The following CPM variants were observed in gnomAD, a reference collection of about 807,000 sequenced individuals.
CPM encodes the protein renal carboxypeptidase.
In CPM, 35 loss-of-function variants were observed where a neutral mutation model predicts 46.4. That is an observed-to-expected ratio of 0.75 (90% CI 0.58 to 1.00). The LOEUF is 1.00. CPM is among the 50% of genes least tolerant of loss of function. The probability of loss-of-function intolerance (pLI) is 0.00; values close to 1 mark genes in which losing one functional copy is unlikely to be tolerated. For missense variants in CPM, 422 were observed against 530.4 expected (o/e 0.80, Z 2.01); for synonymous variants, 195 against 195.3 (o/e 1.00, Z 0.01).
chr12:68,924,842 G>A (rs1035219681), intron 2 of CPM, among the ~76,000 whole-genome samples: 62 of 152,266 alleles, frequency 4.1e-4, no homozygotes, highest in African/African-American at 1.4e-3. Flanking sequence ...GTAAATCACC[G>A]GCTAAAATCT....
At chr12:68,962,005 C>T (rs1167152376) in intron 1 of CPM, among the ~76,000 whole-genome samples, 2 of 151,934 alleles carry the variant, frequency 1.3e-5, no homozygotes, top group Non-Finnish European at 2.9e-5. Context: ...TCGAGACCAT[C>T]CTGGCTAACG....
At chr12:68,921,021 A>G (rs930017498) in intron 2 of CPM, among the ~76,000 whole-genome samples, 1 of 151,354 alleles carries the variant, frequency 6.6e-6, no homozygotes, top group African/African-American at 2.4e-5. Flanking sequence ...CTCTTGGGGG[A>G]AAAAAGGCCT....
chr12:68,945,526 C>A lies in CPM; in HGVS notation c.-3-12686G>T, dbSNP rs565731303. 6.6e-5 allele frequency among the ~76,000 whole-genome samples: 10 copies of A among 151,990 alleles called. No individual in the cohort carries two copies. The East Asian group carries it at 1.9e-3, about 29-fold the overall frequency. ...GGGGGTATAGTTGGGGCAAGGGTTG[C>A]CCCCAAGGTAAGAGGAGTGAAACCA... On this transcript the variant is annotated intron_variant, in intron 1 of 8. Transcript: ENST00000546373.
intron 1 of CPM, among the ~76,000 whole-genome samples, chr12:68,941,317 C>T (rs1418280150): frequency 2.6e-5 from 4 of 151,984 alleles, no homozygotes; most frequent in South Asian, 2.1e-4. Context: ...ATCAAATGGT[C>T]GCTCAGAAAT....
chr12:68,896,474 A>G (rs1886881058), intron 2 of CPM, among the ~76,000 whole-genome samples: 1 of 152,210 alleles, frequency 6.6e-6, no homozygotes, highest in Non-Finnish European at 1.5e-5. Context: ...GAGTGAATGG[A>G]TGATTGGATA....
Position 68,941,170 on chromosome 12 carries a change from C to T in CPM, c.-3-8330G>A, listed in dbSNP as rs376055912. On this transcript the variant is annotated intron_variant, in intron 1 of 8. Coordinates refer to the CPM transcript ENST00000546373. ...AAGTAATTTGAAGATGTGCTGAGTACGTGTGTGTGTGTGTGTGTGTGTGTG... is the reference window on the plus strand; with the variant it reads ...AAGTAATTTGAAGATGTGCTGAGTATGTGTGTGTGTGTGTGTGTGTGTGTG... Among the ~76,000 whole-genome samples, 8 of 140,602 alleles carry T rather than the reference C, an allele frequency of 5.7e-5. No homozygotes were observed. The South Asian group carries it at 9.9e-4, about 17-fold the overall frequency. The allele number at this position is 140,602 out of a possible 152,430, so 92.2% of individuals were successfully genotyped here.
intron 3 of CPM, among the ~76,000 whole-genome samples, chr12:68,876,172 T>C (rs1417242320): frequency 2.0e-5 from 3 of 152,222 alleles, no homozygotes; most frequent in Non-Finnish European, 4.4e-5. Flanking sequence ...AACCAAAGTA[T>C]TTTTTGTGTG....
chr12:68,893,773 G>A (rs1012911739), intron 2 of CPM, among the ~76,000 whole-genome samples: 5 of 152,200 alleles, frequency 3.3e-5, no homozygotes, highest in African/African-American at 9.7e-5. Flanking sequence ...AGATTCTGGT[G>A]TGGGGTCTAA....
intron 7 of CPM, among the ~76,000 whole-genome samples, chr12:68,864,467 G>A (rs1565768374): frequency 6.6e-6 from 1 of 152,106 alleles, no homozygotes; most frequent in Non-Finnish European, 1.5e-5. Context: ...ACAAAACCTA[G>A]TGCAAATGGA....
chr12:68,919,396 T>C (rs1462380173), intron 2 of CPM, among the ~76,000 whole-genome samples: 1 of 152,228 alleles, frequency 6.6e-6, no homozygotes, highest in Non-Finnish European at 1.5e-5. Flanking sequence ...CACTAGCACA[T>C]GTAAGAAACA....
chr12:68,882,761 G>A (rs1434967510), intron 3 of CPM, among the ~76,000 whole-genome samples: 1 of 152,080 alleles, frequency 6.6e-6, no homozygotes, highest in Non-Finnish European at 1.5e-5. Context: ...ATTCTGACTG[G>A]TATGAGATGA....
chr12:68,847,382 T>A (rs945250071), downstream of CPM: 2 of 148,910 alleles, frequency 1.3e-5, no homozygotes, highest in African/African-American at 5.0e-5. Context: ...TGAGGTATTC[T>A]GTTCATACCA....
intron 2 of CPM, among the ~76,000 whole-genome samples, chr12:68,931,171 G>A (rs969731437): frequency 4.6e-5 from 7 of 152,058 alleles, no homozygotes; most frequent in African/African-American, 1.5e-4. Context: ...CACAGCCCAG[G>A]ATATTGACTT....
chr12:68,844,386 A>G (rs1884081200), intron 5 of CPM: 3 of 226,040 alleles, frequency 1.3e-5, no homozygotes, highest in Admixed American at 5.7e-5. Context: ...AACTTGAGAG[A>G]ATGATGTTGC....
intron 1 of CPM, 43 bp from the exon 2 acceptor site, chr12:68,932,883 G>C: frequency 6.4e-7 from 1 of 1,569,602 alleles, no homozygotes; most frequent in Non-Finnish European, 8.7e-7. Context: ...AACACATGAG[G>C]GCAGGCGGGG....
chr12:68,947,372 AG>A (rs768585169), intron 1 of CPM, among the ~76,000 whole-genome samples: 9 of 152,140 alleles, frequency 5.9e-5, no homozygotes, highest in Non-Finnish European at 1.3e-4. Context: ...CAAGACACAT[AG>A]ATCACCTGAA....
At chr12:68,895,178 A>G (rs1152931) in intron 2 of CPM, among the ~76,000 whole-genome samples, 53,173 of 151,874 alleles carry the variant, frequency 0.35, 9,991 homozygotes, top group African/African-American at 0.49. Flanking sequence ...TAAAGACCTC[A>G]GTGGTGGGTT....
intron 1 of CPM, among the ~76,000 whole-genome samples, chr12:68,962,001 C>T (rs929437595): frequency 6.6e-5 from 10 of 152,042 alleles, no homozygotes; most frequent in Non-Finnish European, 1.3e-4. Flanking sequence ...CAGGTCGAGA[C>T]CATCCTGGCT....
intron 7 of CPM, among the ~76,000 whole-genome samples, chr12:68,863,992 C>T (rs751774794): frequency 6.6e-6 from 1 of 152,178 alleles, no homozygotes; most frequent in African/African-American, 2.4e-5. Context: ...AATAACCACA[C>T]TGTATTGGTA....
Sources: allele counts gnomAD v4.1 joint callset (sites outside exome capture counted in the v4.1 genomes callset), GRCh38; gene constraint gnomAD v4.1.1; transcripts MANE v1.5; gene names NCBI Gene and HGNC (gene_info 2026-07-23, HGNC 2026-07-21).